Variants in EXOC6B observed in about 807,000 individuals in gnomAD.
EXOC6B encodes exocyst complex component 6B.
EXOC6B carries 54 observed loss-of-function variants against 113.5 expected under a neutral mutation model. The observed-to-expected ratio is 0.48, with a 90% CI of 0.38 to 0.60. The LOEUF is 0.60. Among genes scored for constraint, EXOC6B ranks in the 20% least tolerant of loss-of-function variants. The pLI is 0.00. For synonymous variants in EXOC6B, 357 were observed against 339.0 expected (o/e 1.05, Z -0.58); for missense variants, 797 against 977.5 (o/e 0.82, Z 2.46).
rs200077549 is a variant in EXOC6B at position 72,708,054 on chromosome 2, CA to C, written c.669+10048del. 2.8e-3 allele frequency among the ~76,000 whole-genome samples: 419 copies of C among 148,304 alleles called. 1 individual carries two copies. The highest frequency in any genetic ancestry group is 5.2e-3 in the African/African-American group (212 of 40,600). ...TTGACTCTACAAAATATTAAATTTT[CA>C]AAAAAAAAATTTAGAAAATAAAACC... is the stretch of plus-strand genomic sequence containing the variant. On this transcript the variant is annotated intron_variant, in intron 6 of 21. Coordinates refer to ENST00000272427, the MANE Select transcript of EXOC6B (RefSeq NM_015189.3).
At chr2:72,253,360 A>T (rs1683143749) in intron 20 of EXOC6B, among the ~76,000 whole-genome samples, 1 of 152,212 alleles carries the variant, frequency 6.6e-6, no homozygotes, top group Admixed American at 6.5e-5. Flanking sequence ...TACTCAAAGG[A>T]ATGAAAATCA....
chr2:72,617,898 T>C (rs756365996), intron 6 of EXOC6B, among the ~76,000 whole-genome samples: 3 of 152,100 alleles, frequency 2.0e-5, no homozygotes, highest in Non-Finnish European at 2.9e-5. Context: ...AAAAAAACAA[T>C]TCATGAGAGA....
intron 18 of EXOC6B, among the ~76,000 whole-genome samples, chr2:72,386,165 C>CACAT (rs976983461): frequency 1.3e-4 from 20 of 151,638 alleles, no homozygotes; most frequent in Non-Finnish European, 1.5e-4. Context: ...TATACACACA[C>CACAT]ACATACATAC....
At chr2:72,388,611 A>G (rs1040386126) in intron 18 of EXOC6B, among the ~76,000 whole-genome samples, 1 of 152,054 alleles carries the variant, frequency 6.6e-6, no homozygotes, top group African/African-American at 2.4e-5. Flanking sequence ...CTGATACCCT[A>G]TTTATTTTAA....
At position 72,304,079 on chromosome 2, in the gene EXOC6B, G is replaced by A. The variant is rs550398319; in HGVS notation, c.2196+30868C>T. 5.6e-4 allele frequency among the ~76,000 whole-genome samples: 86 copies of A among 152,268 alleles called. 1 individual carries two copies. The highest frequency in any genetic ancestry group is 1.0e-3 in the Non-Finnish European group (69 of 68,028). On this transcript the variant is annotated intron_variant, in intron 20 of 21. Coordinates refer to ENST00000272427, the MANE Select transcript of EXOC6B (RefSeq NM_015189.3). ...GTCTCTGTGTCACTCCCAGGTGGGCGTTTATCCTGCCTTGCTTTTCTCCAT... is the reference window on the plus strand; with the variant it reads ...GTCTCTGTGTCACTCCCAGGTGGGCATTTATCCTGCCTTGCTTTTCTCCAT...
intron 6 of EXOC6B, among the ~76,000 whole-genome samples, chr2:72,581,427 G>A (rs1437190380): frequency 6.6e-6 from 1 of 152,110 alleles, no homozygotes; most frequent in African/African-American, 2.4e-5. Flanking sequence ...GTGTTTATGT[G>A]AACACATGCA....
intron 14 of EXOC6B, among the ~76,000 whole-genome samples, chr2:72,495,954 G>A (rs1057382582): frequency 6.6e-6 from 1 of 152,054 alleles, no homozygotes; most frequent in Non-Finnish European, 1.5e-5. Flanking sequence ...GCTGTCCTGG[G>A]GCTGGGTTAA....
At chr2:72,411,060 T>A (rs1694149826) in intron 18 of EXOC6B, among the ~76,000 whole-genome samples, 1 of 151,952 alleles carries the variant, frequency 6.6e-6, no homozygotes, top group Admixed American at 6.6e-5. Context: ...AATACAAAAA[T>A]TAGCTGGGTA....
chr2:72,196,069 C>A (rs907737017), intron 20 of EXOC6B, among the ~76,000 whole-genome samples: 1 of 152,108 alleles, frequency 6.6e-6, no homozygotes, highest in Admixed American at 6.5e-5. Flanking sequence ...ATACACACAA[C>A]TATATTAGGG....
At chr2:72,464,967 A>C in intron 18 of EXOC6B, 193 bp downstream of exon 18, 1 of 586,036 alleles carries the variant, frequency 1.7e-6, no homozygotes, top group Non-Finnish European at 3.0e-6. Context: ...TCAGATGAAA[A>C]AAATGCAAAG....
At chr2:72,706,388 A>C (rs1371357593) in intron 6 of EXOC6B, among the ~76,000 whole-genome samples, 1 of 152,114 alleles carries the variant, frequency 6.6e-6, no homozygotes, top group African/African-American at 2.4e-5. Flanking sequence ...TTCTTTTTTG[A>C]AGACAAGGTC....
intron 1 of EXOC6B, among the ~76,000 whole-genome samples, chr2:72,795,079 A>C (rs965466198): frequency 1.3e-5 from 2 of 152,180 alleles, no homozygotes; most frequent in Admixed American, 1.3e-4. Flanking sequence ...TTGTCATTTC[A>C]CAGATATTTC....
chr2:72,774,208 A>G (rs1683563510), intron 1 of EXOC6B, among the ~76,000 whole-genome samples: 1 of 152,202 alleles, frequency 6.6e-6, no homozygotes, highest in African/African-American at 2.4e-5. Flanking sequence ...AAATACTGGC[A>G]ATCTTTGGAA....
intron 1 of EXOC6B, among the ~76,000 whole-genome samples, chr2:72,806,544 A>AGTAAT (rs541886987): frequency 1.3e-4 from 20 of 152,212 alleles, no homozygotes; most frequent in Non-Finnish European, 2.4e-4. Flanking sequence ...TTAGGTATAT[A>AGTAAT]CCCAGTAATG....
chr2:72,649,775 A>G (rs1674024241), intron 6 of EXOC6B, among the ~76,000 whole-genome samples: 1 of 152,162 alleles, frequency 6.6e-6, no homozygotes, highest in African/African-American at 2.4e-5. Context: ...AGTACAGCCA[A>G]CTGATTTTTC....
chr2:72,626,284 C>G (rs1672044781), intron 6 of EXOC6B, among the ~76,000 whole-genome samples: 2 of 152,068 alleles, frequency 1.3e-5, no homozygotes, highest in Non-Finnish European at 2.9e-5. Context: ...AAAACACTGT[C>G]TAACAAGATT....
rs193127269 is a variant in EXOC6B at position 72,178,628 on chromosome 2, G to A, written c.*707C>T. 1 of 152,304 alleles carries A rather than the reference G, an allele frequency of 6.6e-6. No homozygotes were observed. Among genetic ancestry groups the A allele is most frequent in the East Asian group, 1.9e-4 (1 of 5,176 alleles). The allele number at this position is 152,304 out of a possible 1,614,324, so 9.4% of individuals were successfully genotyped here. On this transcript the variant is annotated 3_prime_UTR_variant, in exon 22 of 22. Transcript: ENST00000272427. The stretch of plus-strand genomic sequence containing the variant: ...GAGACTCAACACTCCTAGAGCTGGG[G>A]CAATATGCAGTTAAACATGGGATCC...
intron 20 of EXOC6B, among the ~76,000 whole-genome samples, chr2:72,300,426 A>T (rs899614595): frequency 6.6e-6 from 1 of 152,188 alleles, no homozygotes; most frequent in Admixed American, 6.5e-5. Context: ...TAGCAGCAAG[A>T]ATTTCAGCCA....
intron 1 of EXOC6B, chr2:72,760,598 A>C (rs1391617497): frequency 6.3e-6 from 1 of 159,762 alleles, no homozygotes; most frequent in Non-Finnish European, 1.4e-5. Context: ...TTTAACACTG[A>C]AGAAGAAAAG....
Sources: gnomAD v4.1 joint callset for allele counts (sites outside exome capture counted in the v4.1 genomes callset) on GRCh38, gnomAD v4.1.1 for gene constraint, MANE v1.5 for transcripts, NCBI Gene and HGNC (gene_info 2026-07-23, HGNC 2026-07-21) for gene names.